NFATC3: variants seen among roughly 807,000 people sequenced by gnomAD.
The protein encoded by NFATC3 is nuclear factor of activated T cells 3.
A neutral mutation model predicts 98.6 loss-of-function variants in NFATC3; 46 were observed. The ratio of observed to expected loss-of-function variants is 0.47; its 90% CI spans 0.37 to 0.60. The LOEUF is 0.60. NFATC3 is among the 20% of genes least tolerant of loss of function. The pLI, the probability that NFATC3 is intolerant of heterozygous loss-of-function variation, is 0.00. For synonymous variants in NFATC3, 512 were observed against 472.2 expected (o/e 1.08, Z -1.09); for missense variants, 1,256 against 1,295.5 (o/e 0.97, Z 0.47).
At chr16:68,103,127 T>G (rs928609226) in intron 1 of NFATC3, among the ~76,000 whole-genome samples, 2 of 152,056 alleles carry the variant, frequency 1.3e-5, no homozygotes, top group Non-Finnish European at 2.9e-5. Context: ...ATCTAAGATT[T>G]ACAGATATTT....
intron 1 of NFATC3, among the ~76,000 whole-genome samples, chr16:68,121,242 CTT>C (rs753615194): frequency 2.0e-5 from 2 of 102,354 alleles, no homozygotes; most frequent in African/African-American, 3.9e-5. Context: ...CTTTTCTTTT[CTT>C]TTTTTTTTTT....
chr16:68,134,527 C>T (rs2037287083), intron 3 of NFATC3, among the ~76,000 whole-genome samples: 1 of 152,152 alleles, frequency 6.6e-6, no homozygotes, highest in Non-Finnish European at 1.5e-5. Flanking sequence ...TTTACTTCTT[C>T]CTTCTTAATT....
intron 2 of NFATC3, among the ~76,000 whole-genome samples, chr16:68,125,032 A>G (rs542598862): frequency 6.6e-5 from 10 of 152,280 alleles, no homozygotes; most frequent in East Asian, 3.9e-4. Context: ...CGCCCGGCCA[A>G]TGCTTTTTTC....
Position 68,085,493 on chromosome 16 carries a change from C to A in NFATC3, c.-189C>A. 1 of 505,870 alleles carries A rather than the reference C, an allele frequency of 2.0e-6. No individual in the cohort carries two copies. The highest frequency in any genetic ancestry group is 3.4e-6 in the Non-Finnish European group (1 of 293,536). 31.3% of individuals were successfully genotyped at this position (505,870 alleles called of 1,614,324 possible). On this transcript the variant is annotated 5_prime_UTR_variant, in exon 1 of 10. Transcript: ENST00000346183. ...CGGGCGGCTGCGGTTCCTGGTGCTG[C>A]TCGGCGCGCGGCCAGCTTTCGGAAC...
Position 68,191,424 on chromosome 16 carries a change from C to T in NFATC3, c.2755C>T (p.His919Tyr). The change falls in exon 9 of 10, where the codon CAT becomes TAT. Residue 919 changes from histidine (H) to tyrosine (Y), a missense_variant. This residue lies in a region of NFATC3 where 636 missense variants were observed against 617.3 expected (regional missense o/e 1.03). Transcript: ENST00000346183. ...ACAACCTATTACATATGGTCCTTCA[C>T]ATTCAGGGTCTGCTACAACAGCTTC... The part of the protein sequence containing the change: ...QLQPITYGPS[H>Y]SGSATTASPA... The T allele has an allele frequency of 1.2e-6, 2 of 1,614,156 alleles. No individual in the cohort carries two copies. Among genetic ancestry groups the T allele is most frequent in the Non-Finnish European group, 1.7e-6 (2 of 1,180,038 alleles).
At chr16:68,166,495 TCACTTGGCCA>T (rs1031181125) in intron 4 of NFATC3, among the ~76,000 whole-genome samples, 37 of 152,118 alleles carry the variant, frequency 2.4e-4, no homozygotes, top group African/African-American at 8.9e-4. Context: ...TTGCATATTG[TCACTTGGCCA>T]CACTCCATTT....
chr16:68,184,839 AAC>A (rs200491952), intron 8 of NFATC3, among the ~76,000 whole-genome samples: 3 of 113,298 alleles, frequency 2.6e-5, no homozygotes, highest in African/African-American at 9.5e-5. Context: ...ACAAACAAAA[AAC>A]ACACAAATAG....
At chr16:68,151,039 A>G (rs1449097313) in intron 3 of NFATC3, among the ~76,000 whole-genome samples, 1 of 152,148 alleles carries the variant, frequency 6.6e-6, no homozygotes, top group Non-Finnish European at 1.5e-5. Context: ...TTATAGCAGT[A>G]TGAGAATGGA....
chr16:68,138,523 C>T (rs137865052), intron 3 of NFATC3: 7 of 1,282,802 alleles, frequency 5.5e-6, no homozygotes, highest in East Asian at 5.6e-5. Flanking sequence ...ATCCAAGATA[C>T]GTTCATCTTT....
chr16:68,135,269 T>G (rs976453699), intron 3 of NFATC3, among the ~76,000 whole-genome samples: 2 of 151,968 alleles, frequency 1.3e-5, no homozygotes, highest in African/African-American at 4.8e-5. Flanking sequence ...CCATCTTGGC[T>G]AACACGGTGA....
rs1239654596 is a variant in NFATC3 at position 68,092,452 on chromosome 16, CA to C, written c.103+6682del. On this transcript the variant is annotated intron_variant, in intron 1 of 9. Coordinates refer to ENST00000346183, the MANE Select transcript of NFATC3 (RefSeq NM_173165.3). The stretch of plus-strand genomic sequence containing the variant: ...TGGGGGACAGAGTAAAACTCTCTCT[CA>C]AAAAAAAAAAAAATAAATAAATAAA... 9.4e-3 allele frequency among the ~76,000 whole-genome samples: 1,109 copies of C among 118,068 alleles called. 10 individuals are homozygous for C. The highest frequency in any genetic ancestry group is 0.022 in the African/African-American group (705 of 32,244). 77.5% of individuals were successfully genotyped at this position (118,068 alleles called of 152,430 possible).
chr16:68,182,676 A>G (rs1245711031), intron 7 of NFATC3, among the ~76,000 whole-genome samples: 1 of 151,786 alleles, frequency 6.6e-6, no homozygotes, highest in African/African-American at 2.4e-5. Context: ...GTGCAATATC[A>G]TGCCTGGCTA....
intron 1 of NFATC3, among the ~76,000 whole-genome samples, chr16:68,109,153 A>G (rs763582293): frequency 2.6e-5 from 4 of 152,128 alleles, no homozygotes; most frequent in Non-Finnish European, 2.9e-5. Flanking sequence ...TCTTGTGTCA[A>G]TATTCAAGGG....
chr16:68,148,174 G>A (rs1196122189), intron 3 of NFATC3, among the ~76,000 whole-genome samples: 7 of 151,966 alleles, frequency 4.6e-5, no homozygotes, highest in African/African-American at 1.7e-4. Context: ...TCGCCACCAT[G>A]CCCGGCTAAT....
intron 7 of NFATC3, among the ~76,000 whole-genome samples, chr16:68,181,971 G>A (rs1320100787): frequency 2.0e-5 from 3 of 152,110 alleles, no homozygotes; most frequent in African/African-American, 4.8e-5. Context: ...TATTTACCTA[G>A]TATTAAAGTA....
chr16:68,102,969 ATC>A (rs2035451685), intron 1 of NFATC3, among the ~76,000 whole-genome samples: 1 of 152,080 alleles, frequency 6.6e-6, no homozygotes, highest in Non-Finnish European at 1.5e-5. Context: ...GATGTTGAAC[ATC>A]TTTTCATGTG....
At position 68,185,297 on chromosome 16, in the gene NFATC3, T is replaced by C. The variant is rs1469565718; in HGVS notation, c.2098+1931T>C. On this transcript the variant is annotated intron_variant, in intron 8 of 9. Coordinates refer to ENST00000346183, the MANE Select transcript of NFATC3 (RefSeq NM_173165.3). The stretch of plus-strand genomic sequence containing the variant: ...TGGCCCAGGGGTTTAATTTTCTTTT[T>C]CCTCCCTTTTTGTTTTTCATACCCC... Among the ~76,000 whole-genome samples, 13 of 152,122 alleles carry C rather than the reference T, an allele frequency of 8.5e-5. 2 individuals are homozygous for C.
In NFATC3 at chr16:68,226,946, A is replaced by G. The variant is rs2042053329; in HGVS notation, c.*475A>G. 6.6e-6 allele frequency: 1 copy of G among 150,850 alleles called. No homozygotes were observed. The highest frequency in any genetic ancestry group is 2.4e-5 in the African/African-American group (1 of 41,218). The allele number at this position is 150,850 out of a possible 1,614,324, so 9.3% of individuals were successfully genotyped here. A position where few individuals can be genotyped will look rare whatever the true frequency, so the allele number is the denominator to read the frequency against. On this transcript the variant is annotated 3_prime_UTR_variant, in exon 10 of 10. Coordinates refer to ENST00000346183, the MANE Select transcript of NFATC3 (RefSeq NM_173165.3). ...AAAGAAAAAAAAAGAAAAGAAAAAAAGAAAAAGAAAAAAATATCCCAAGCC... is the reference window on the plus strand; with the variant it reads ...AAAGAAAAAAAAAGAAAAGAAAAAAGGAAAAAGAAAAAAATATCCCAAGCC...
Position 68,164,274 on chromosome 16 carries a change from C to T in NFATC3, c.1602-2569C>T, listed in dbSNP as rs544756316. Among the ~76,000 whole-genome samples, 1,043 of 152,294 alleles carry T rather than the reference C, an allele frequency of 6.8e-3. 11 individuals are homozygous for T. Among genetic ancestry groups the T allele is most frequent in the African/African-American group, 0.022 (915 of 41,556 alleles). On this transcript the variant is annotated intron_variant, in intron 4 of 9. Coordinates refer to ENST00000346183, the MANE Select transcript of NFATC3 (RefSeq NM_173165.3). ...AAAACCAGTCAGGTGTGGCGGCGTG[C>T]GCCTGCAATCGCAGGCTGAGGCAGG...
Sources: gnomAD v4.1 joint callset for allele counts (sites outside exome capture counted in the v4.1 genomes callset) on GRCh38, gnomAD v4.1.1 for gene constraint, gnomAD v4.1.1 regional missense constraint, MANE v1.5 for transcripts, NCBI Gene and HGNC (gene_info 2026-07-23, HGNC 2026-07-21) for gene names.